NDUFAF6: variants seen among roughly 807,000 people sequenced by gnomAD.
NDUFAF6 encodes NADH dehydrogenase (ubiquinone) complex I, assembly factor 6.
In NDUFAF6, 45 loss-of-function variants were observed where a neutral mutation model predicts 40.8. The observed-to-expected ratio is 1.10, with a 90% CI of 0.87 to 1.42. NDUFAF6 has a LOEUF of 1.42. NDUFAF6 is among the 40% of genes most tolerant of loss of function. The pLI is 0.00. For synonymous variants in NDUFAF6, 185 were observed against 155.9 expected (o/e 1.19, Z -1.39); for missense variants, 435 against 418.5 (o/e 1.04, Z -0.34).
chr8:94,919,116 C>T (rs75912292), intron 1 of NDUFAF6, among the ~76,000 whole-genome samples: 3,610 of 152,278 alleles, frequency 0.024, 65 homozygotes, highest in Non-Finnish European at 0.036. Flanking sequence ...TAAAATCTTA[C>T]CCCAATAGAT....
intron 4 of NDUFAF6, among the ~76,000 whole-genome samples, chr8:95,112,280 T>A (rs1162481281): frequency 6.6e-6 from 1 of 152,302 alleles, no homozygotes. Context: ...TAAAAAACCG[T>A]TCTTTGCAGA....
intron 1 of NDUFAF6, among the ~76,000 whole-genome samples, chr8:94,974,231 A>T (rs7823886): frequency 0.53 from 78,603 of 147,172 alleles, 20,995 homozygotes; most frequent in East Asian, 0.72. Flanking sequence ...TTTTTTTTTT[A>T]AATTATCTTT....
chr8:94,947,664 C>T (rs939274330), intron 2 of NDUFAF6, among the ~76,000 whole-genome samples: 1 of 152,210 alleles, frequency 6.6e-6, no homozygotes. Flanking sequence ...GTTATTCCCC[C>T]AGGGATCCAC....
intron 2 of NDUFAF6, among the ~76,000 whole-genome samples, chr8:94,946,283 G>C (rs1392824608): frequency 6.6e-6 from 1 of 152,032 alleles, no homozygotes; most frequent in Non-Finnish European, 1.5e-5. Context: ...AATACTCACG[G>C]GGAAGAGCAT....
intron 1 of NDUFAF6, among the ~76,000 whole-genome samples, chr8:94,935,128 T>TATAGATAGATAG (rs56734843): frequency 0.1 from 15,165 of 144,594 alleles, 820 homozygotes; most frequent in South Asian, 0.11. Flanking sequence ...GGTAGATAGA[T>TATAGATAGATAG]ATAGATAGAT....
chr8:94,954,234 C>T (rs568277223), upstream of NDUFAF6, among the ~76,000 whole-genome samples: 3 of 151,914 alleles, frequency 2.0e-5, no homozygotes, highest in Non-Finnish European at 2.9e-5. Flanking sequence ...AGCTAATTTT[C>T]GTGTTTTTAG....
At chr8:95,091,427 C>T (rs551279001) in intron 2 of NDUFAF6, among the ~76,000 whole-genome samples, 2 of 151,958 alleles carry the variant, frequency 1.3e-5, no homozygotes, top group Non-Finnish European at 1.5e-5. Flanking sequence ...AGTCACCTCC[C>T]ACAAGGTATC....
At chr8:95,007,651 G>A (rs937054037) in intron 2 of NDUFAF6, among the ~76,000 whole-genome samples, 2 of 146,902 alleles carry the variant, frequency 1.4e-5, no homozygotes, top group African/African-American at 5.0e-5. Context: ...GCAACAGTGT[G>A]AGGCTCTGTT....
At chr8:95,062,150 G>C (rs113278091), downstream of NDUFAF6, among the ~76,000 whole-genome samples, 1,875 of 149,034 alleles carry the variant, frequency 0.013, 48 homozygotes, top group African/African-American at 0.045. Flanking sequence ...GACAGAGACC[G>C]TGGCTCAAAA....
intron 1 of NDUFAF6, among the ~76,000 whole-genome samples, chr8:94,936,940 A>AGG (rs781531007): frequency 1.3e-5 from 2 of 152,212 alleles, no homozygotes; most frequent in Non-Finnish European, 2.9e-5. Context: ...ACTACTGATG[A>AGG]GGGGCAGATT....
chr8:94,918,018 C>T (rs1288559334), intron 1 of NDUFAF6, among the ~76,000 whole-genome samples: 4 of 152,102 alleles, frequency 2.6e-5, no homozygotes, highest in Middle Eastern at 3.2e-3. Flanking sequence ...TTTTGATCAG[C>T]GAAACTTTGT....
At chr8:94,909,483 G>A (rs1464034350) in intron 1 of NDUFAF6, among the ~76,000 whole-genome samples, 3 of 151,056 alleles carry the variant, frequency 2.0e-5, no homozygotes, top group Admixed American at 6.6e-5. Flanking sequence ...AAAATTAGCC[G>A]GGTGTGGTAG....
chr8:95,080,585 T>TG (rs1808808131), downstream of NDUFAF6, among the ~76,000 whole-genome samples: 4 of 35,834 alleles, frequency 1.1e-4, no homozygotes, highest in Admixed American at 3.0e-4. Flanking sequence ...AGTGTATTTT[T>TG]GTAGTGATTT....
At chr8:95,108,582 T>C (rs1809908111) in intron 4 of NDUFAF6, among the ~76,000 whole-genome samples, 1 of 152,144 alleles carries the variant, frequency 6.6e-6, no homozygotes, top group Non-Finnish European at 1.5e-5. Flanking sequence ...TATTGTTTAA[T>C]GGGTAGAAAG....
At chr8:94,898,081 C>T (rs991518697) in intron 1 of NDUFAF6, among the ~76,000 whole-genome samples, 4 of 152,120 alleles carry the variant, frequency 2.6e-5, no homozygotes, top group African/African-American at 9.7e-5. Flanking sequence ...GCAGGTGGAA[C>T]AGGACTTCCA....
At position 94,979,787 on chromosome 8, in the gene NDUFAF6, TTATCCA is replaced by T. The variant is rs1248323870; in HGVS notation, c.-198-1069_-198-1064del. Among the ~76,000 whole-genome samples the T allele has an allele frequency of 2.0e-5, 3 of 152,158 alleles. 1 individual carries two copies. Among genetic ancestry groups the T allele is most frequent in the Admixed American group, 2.0e-4 (3 of 15,282 alleles). ...AAAAGACCATGACAAAAAACGAACTTTATCCATAGAAGACAGGCCGGAATGGGCTGG... is the reference window on the plus strand; with the variant it reads ...AAAAGACCATGACAAAAAACGAACTTTAGAAGACAGGCCGGAATGGGCTGG... On this transcript the variant is annotated intron_variant, in intron 1 of 9. Coordinates refer to the NDUFAF6 transcript ENST00000396111.
At chr8:95,041,682 A>T in intron 4 of NDUFAF6, 56 bp downstream of exon 4, 1 of 1,380,290 alleles carries the variant, frequency 7.2e-7, no homozygotes, top group Non-Finnish European at 1.0e-6. Context: ...TTCTTAAGCT[A>T]ATTCTTCAAG....
At chr8:95,115,141 C>G (rs1810103599) in intron 4 of NDUFAF6, among the ~76,000 whole-genome samples, 1 of 151,994 alleles carries the variant, frequency 6.6e-6, no homozygotes, top group South Asian at 2.1e-4. Flanking sequence ...TGCCAAATTG[C>G]CAACTCTTCA....
intron 9 of NDUFAF6, among the ~76,000 whole-genome samples, chr8:95,072,212 C>T (rs142006172): frequency 3.2e-4 from 48 of 152,252 alleles, no homozygotes; most frequent in East Asian, 1.9e-3. Context: ...CGTTATGTTG[C>T]GGTGCCCTAC....
Sources: allele counts gnomAD v4.1 joint callset (sites outside exome capture counted in the v4.1 genomes callset), GRCh38; gene constraint gnomAD v4.1.1; transcripts MANE v1.5; gene names NCBI Gene and HGNC (gene_info 2026-07-23, HGNC 2026-07-21).